MPP7: variants seen among roughly 807,000 people sequenced by gnomAD.
MPP7 encodes MAGUK p55 scaffold protein 7.
MPP7 carries 60 observed loss-of-function variants against 76.5 expected under a neutral mutation model. That is an observed-to-expected ratio of 0.78 (90% confidence interval 0.64 to 0.97). MPP7 has a LOEUF of 0.97. Ranked by LOEUF, MPP7 falls within the 50% of genes least tolerant of loss-of-function variation. The pLI, the probability that MPP7 is intolerant of heterozygous loss-of-function variation, is 0.00. For synonymous variants in MPP7, 237 were observed against 244.5 expected (o/e 0.97, Z 0.29); for missense variants, 641 against 694.0 (o/e 0.92, Z 0.86).
chr10:28,318,250 A>G (rs1165364542), intron 2 of MPP7, among the ~76,000 whole-genome samples: 1 of 152,208 alleles, frequency 6.6e-6, no homozygotes, highest in Non-Finnish European at 1.5e-5. Flanking sequence ...CACCCATTGA[A>G]CAGGGATGTT....
rs11819234 is a variant in MPP7 at position 28,274,259 on chromosome 10, C to T, written c.-132+28602G>A. On this transcript the variant is annotated intron_variant, in intron 1 of 16. Coordinates refer to ENST00000683449, the MANE Select transcript of MPP7 (RefSeq NM_001318170.2). ...CTGGGACTATAGGAGCCAGCCACCA[C>T]GCCCGGCTAATTTTTTGTATTTTTA... Among the ~76,000 whole-genome samples the T allele has an allele frequency of 9.7e-3, 1,476 of 151,766 alleles. 20 individuals carry two copies. Among genetic ancestry groups the T allele is most frequent in the African/African-American group, 0.032 (1,331 of 41,348 alleles).
chr10:28,071,675 T>C (rs1462675456), intron 12 of MPP7, among the ~76,000 whole-genome samples: 1 of 152,094 alleles, frequency 6.6e-6, no homozygotes, highest in Non-Finnish European at 1.5e-5. Flanking sequence ...AATAAAGCAA[T>C]ATGTATTTCA....
chr10:28,122,689 G>A (rs1011494346), intron 8 of MPP7, among the ~76,000 whole-genome samples: 1 of 152,010 alleles, frequency 6.6e-6, no homozygotes, highest in Admixed American at 6.6e-5. Context: ...TTGTCCATAT[G>A]CACTGCTGAT....
chr10:28,299,441 T>C (rs1006369294), intron 1 of MPP7, among the ~76,000 whole-genome samples: 3 of 152,178 alleles, frequency 2.0e-5, no homozygotes, highest in South Asian at 4.1e-4. Context: ...CACCATATTA[T>C]ATAGGTGCAG....
intron 3 of MPP7, among the ~76,000 whole-genome samples, chr10:28,165,966 A>G (rs4402191): frequency 0.031 from 4,473 of 144,906 alleles, 95 homozygotes; most frequent in Non-Finnish European, 0.046. Flanking sequence ...CAGAGGTTGC[A>G]GTGAGCCAAG....
chr10:28,154,313 A>C (rs1158454159), intron 3 of MPP7, among the ~76,000 whole-genome samples: 1 of 152,192 alleles, frequency 6.6e-6, no homozygotes, highest in Non-Finnish European at 1.5e-5. Flanking sequence ...AAAAGTAGCT[A>C]TTCTGTGTGT....
At chr10:28,265,220 A>G (rs1426448030) in intron 1 of MPP7, among the ~76,000 whole-genome samples, 2 of 152,244 alleles carry the variant, frequency 1.3e-5, no homozygotes, top group African/African-American at 4.8e-5. Flanking sequence ...GGGGTAATTG[A>G]TAAAGAATGT....
chr10:28,100,031 A>C (rs1361927930), intron 11 of MPP7, among the ~76,000 whole-genome samples: 1 of 151,540 alleles, frequency 6.6e-6, no homozygotes, highest in African/African-American at 2.4e-5. Flanking sequence ...AATCGGATTC[A>C]TTTGACCAAG....
rs1834616508 is a variant in MPP7, at chr10:28,114,976, T to A, written c.952+4675A>T. Among the ~76,000 whole-genome samples, 3 of 152,038 alleles carry A rather than the reference T, an allele frequency of 2.0e-5. No homozygotes were observed. In the South Asian group the frequency reaches 6.2e-4, roughly 32 times the overall value. ...TCGATTTAAGTGATCAGATATGAAATTTACAACTTAGTTCATCTACACCTC... is the reference window on the plus strand; with the variant it reads ...TCGATTTAAGTGATCAGATATGAAAATTACAACTTAGTTCATCTACACCTC... On this transcript the variant is annotated intron_variant, in intron 11 of 16. Coordinates refer to ENST00000683449, the MANE Select transcript of MPP7 (RefSeq NM_001318170.2).
intron 8 of MPP7, among the ~76,000 whole-genome samples, chr10:28,122,241 G>C (rs1354790871): frequency 6.6e-6 from 1 of 151,906 alleles, no homozygotes; most frequent in African/African-American, 2.4e-5. Context: ...CCTTACAACA[G>C]TGTCATTTAA....
chr10:28,236,067 C>A (rs541077296), intron 2 of MPP7, among the ~76,000 whole-genome samples: 1 of 152,074 alleles, frequency 6.6e-6, no homozygotes, highest in Non-Finnish European at 1.5e-5. Context: ...CCCAACAGAT[C>A]GGTAAAAATT....
intron 2 of MPP7, among the ~76,000 whole-genome samples, chr10:28,237,946 G>A (rs1167276688): frequency 6.6e-6 from 1 of 152,092 alleles, no homozygotes; most frequent in South Asian, 2.1e-4. Flanking sequence ...ATCAGAAGGG[G>A]AGGATTTTAT....
At chr10:28,063,803 G>A (rs915498539) in intron 13 of MPP7, among the ~76,000 whole-genome samples, 1 of 152,296 alleles carries the variant, frequency 6.6e-6, no homozygotes, top group Middle Eastern at 3.4e-3. Flanking sequence ...CTGTGGTTCT[G>A]TGAAACTGGT....
intron 3 of MPP7, among the ~76,000 whole-genome samples, chr10:28,196,428 C>T (rs1039547725): frequency 2.0e-5 from 3 of 149,606 alleles, no homozygotes; most frequent in South Asian, 4.2e-4. Flanking sequence ...TGCAGTGAGC[C>T]GAGATCACAC....
Position 28,220,021 on chromosome 10 carries a change from T to C in MPP7, c.38-17750A>G, listed in dbSNP as rs76645631. On this transcript the variant is annotated intron_variant, in intron 2 of 16. Coordinates refer to ENST00000683449, the MANE Select transcript of MPP7 (RefSeq NM_001318170.2). ...CAACTGCAAATAACTTATTAAAGCA[T>C]TGGGCCAGCTGAGTTTGTAAATATG... Among the ~76,000 whole-genome samples the C allele has an allele frequency of 9.9e-3, 1,509 of 152,246 alleles. 25 individuals are homozygous for C. Among genetic ancestry groups the C allele is most frequent in the East Asian group, 0.065 (336 of 5,184 alleles).
chr10:28,162,032 ATTC>A (rs1308591211), intron 3 of MPP7, among the ~76,000 whole-genome samples: 1 of 152,232 alleles, frequency 6.6e-6, no homozygotes, highest in African/African-American at 2.4e-5. Flanking sequence ...AATCTGTCAA[ATTC>A]TACTACTCTG....
rs113789051 is a variant in MPP7 at position 28,130,769 on chromosome 10, T to C, written c.447+791A>G. ...AAGTATTTTCTATTCTTCTGGGTAG[T>C]GTATTTTTTAAACTTTAAATTTGTT... On this transcript the variant is annotated intron_variant, in intron 6 of 16. Coordinates refer to ENST00000683449, the MANE Select transcript of MPP7 (RefSeq NM_001318170.2). Among the ~76,000 whole-genome samples the C allele has an allele frequency of 1.8e-3, 270 of 152,346 alleles. 1 individual carries two copies. Among genetic ancestry groups the C allele is most frequent in the African/African-American group, 6.1e-3 (252 of 41,590 alleles).
At chr10:28,087,822 G>A (rs964021209) in intron 12 of MPP7, among the ~76,000 whole-genome samples, 17 of 152,176 alleles carry the variant, frequency 1.1e-4, no homozygotes, top group African/African-American at 3.9e-4. Flanking sequence ...GGTGGGAGAG[G>A]AGCAGGAGGT....
At chr10:28,329,646 A>C (rs1447811367) in intron 2 of MPP7, among the ~76,000 whole-genome samples, 2 of 152,028 alleles carry the variant, frequency 1.3e-5, no homozygotes, top group South Asian at 2.1e-4. Context: ...AAAAAAAAAA[A>C]AAAAAACCAC....
Sources: allele counts gnomAD v4.1 joint callset (sites outside exome capture counted in the v4.1 genomes callset), GRCh38; gene constraint gnomAD v4.1.1; transcripts MANE v1.5; gene names NCBI Gene and HGNC (gene_info 2026-07-23, HGNC 2026-07-21).